Variants in CUL4B observed in about 807,000 individuals in gnomAD.
The protein encoded by CUL4B is cullin-4B.
In CUL4B, 1 loss-of-function variant was observed where a neutral mutation model predicts 69.2. That is an observed-to-expected ratio of 0.01 (90% CI 0.01 to 0.07). The LOEUF is 0.07. Ranked by LOEUF, CUL4B falls within the 10% of genes least tolerant of loss-of-function variation. The pLI is 1.00. For synonymous variants in CUL4B, 237 were observed against 223.2 expected, an observed-to-expected ratio of 1.06 and a Z score of -0.55; for missense variants, 328 against 638.8, an observed-to-expected ratio of 0.51 and a Z score of 5.24.
chrX:120,527,064 T>C (rs1423113914), intron 19 of CUL4B, among the ~76,000 whole-genome samples: 1 of 107,193 alleles, frequency 9.3e-6, no homozygotes, highest in Non-Finnish European at 1.9e-5. Context: ...TGAAGATTCT[T>C]TTTTTTTTTT....
At chrX:120,558,179 C>T (rs1925090612) in intron 1 of CUL4B, 140 bp from the exon 2 acceptor site, 1 of 448,698 alleles carries the variant, frequency 2.2e-6, no homozygotes, top group Non-Finnish European at 3.9e-6. Flanking sequence ...AAAGTAACCA[C>T]TGTATTTAAG....
At chrX:120,544,365 G>A in intron 6 of CUL4B, 116 bp downstream of exon 6, 2 of 866,020 alleles carry the variant, frequency 2.3e-6, no homozygotes, top group Non-Finnish European at 3.4e-6. Flanking sequence ...GCTCATATAT[G>A]AGATGTGCTT....
intron 12 of CUL4B, among the ~76,000 whole-genome samples, 175 bp from the exon 13 acceptor site, chrX:120,538,945 G>A (rs1008466619): frequency 8.9e-6 from 1 of 111,860 alleles, no homozygotes; most frequent in Non-Finnish European, 1.9e-5. Context: ...CAGACATTTC[G>A]AAGTCTTTAT....
chrX:120,560,750 A>G lies in CUL4B; in HGVS notation c.-112T>C, dbSNP rs761070624. On this transcript the variant is annotated 5_prime_UTR_variant, in exon 1 of 20. Coordinates refer to ENST00000371322, the MANE Select transcript of CUL4B (RefSeq NM_001079872.2). ...AGAGGGGGAAGGGAAGAAAGAAGAGAGGAGAAACACAGAGGACGAGAAGGA... is the reference window on the plus strand; with the variant it reads ...AGAGGGGGAAGGGAAGAAAGAAGAGGGGAGAAACACAGAGGACGAGAAGGA... 5 of 880,527 alleles carry G rather than the reference A, an allele frequency of 5.7e-6. No homozygotes were observed. Among genetic ancestry groups the G allele is most frequent in the Non-Finnish European group, 7.1e-6 (5 of 700,815 alleles). 72.6% of individuals were successfully genotyped at this position (880,527 alleles called of 1,213,427 possible).
Position 120,544,559 on chromosome X carries a change from C to G in CUL4B, c.1005G>C (p.Leu335Phe). ...CTTCACCATTCCTTTCCCTCTCAAT[C>G]AAGAGAAGAATGCCATCAATTGTCT... ...QNKTIDGILLLIERERNGEAI... is the reference protein window; with the variant it reads ...QNKTIDGILLFIERERNGEAI... Residue 335 changes from leucine (L) to phenylalanine (F), a missense_variant, in exon 6 of 20, where the codon TTG becomes TTC. Physicochemically the swap from Leu to Phe is conservative, Grantham distance 22 (BLOSUM62 0). Transcript: ENST00000371322. The G allele has an allele frequency of 8.3e-7, 1 of 1,209,506 alleles. No homozygotes were observed. The highest frequency in any genetic ancestry group is 1.1e-6 in the Non-Finnish European group (1 of 893,445).
rs1356172567 is a variant in CUL4B, at chrX:120,524,519, G to A, written c.*2242C>T. On this transcript the variant is annotated 3_prime_UTR_variant, in exon 20 of 20. Transcript: ENST00000371322. ...TTTAAAAATAACAAAATCAACAAAT[G>A]TGAGTTCATTAGAAGTTGTTAGGAA... is the stretch of plus-strand genomic sequence containing the variant. The A allele has an allele frequency of 1.8e-5, 2 of 111,949 alleles. No individual in the cohort carries two copies. Among genetic ancestry groups the A allele is most frequent in the Admixed American group, 9.5e-5 (1 of 10,489 alleles). The allele number at this position is 111,949 out of a possible 1,213,427, so 9.2% of individuals were successfully genotyped here.
chrX:120,563,338 A>T (rs1448216601), upstream of CUL4B, among the ~76,000 whole-genome samples: 4 of 111,898 alleles, frequency 3.6e-5, no homozygotes, highest in African/African-American at 1.3e-4. Context: ...GGTTCAAGCG[A>T]TTCTTGTGCG....
upstream of CUL4B, chrX:120,561,178 G>T: frequency 4.0e-6 from 3 of 750,953 alleles, no homozygotes. Context: ...CCCGGGGGGC[G>T]GGGGAGCTCG....
In CUL4B at chrX:120,537,979, A is replaced by AT. The variant is rs758737173; in HGVS notation, c.1938+144dup. On this transcript the variant is annotated intron_variant, in intron 14 of 19. Coordinates refer to ENST00000371322, the MANE Select transcript of CUL4B (RefSeq NM_001079872.2). ...GGTCAAATATACTTATATTTCACCA[A>AT]TTTTTTTTTCTACTGTGAATATCAC... 2.7e-3 allele frequency: 1,151 copies of AT among 420,117 alleles called. 2 individuals carry two copies. The highest frequency in any genetic ancestry group is 9.6e-3 in the African/African-American group (378 of 39,537). The allele number at this position is 420,117 out of a possible 1,213,427, so 34.6% of individuals were successfully genotyped here.
chrX:120,567,191 T>C (rs916221131), downstream of CUL4B, among the ~76,000 whole-genome samples: 10 of 105,021 alleles, frequency 9.5e-5, no homozygotes, highest in African/African-American at 3.2e-4. Flanking sequence ...TGGTGCAATG[T>C]TGGCTCACTG....
intron 19 of CUL4B, among the ~76,000 whole-genome samples, chrX:120,527,444 C>G (rs1272777750): frequency 9.1e-6 from 1 of 109,911 alleles, no homozygotes; most frequent in East Asian, 2.8e-4. Context: ...CAGGGTCTTG[C>G]TATGTCGCCC....
chrX:120,569,510 G>A (rs1159896188), downstream of CUL4B, among the ~76,000 whole-genome samples: 4 of 110,181 alleles, frequency 3.6e-5, no homozygotes, highest in African/African-American at 6.6e-5. Context: ...ACAGGCGCCC[G>A]CCACCACGCC....
At chrX:120,528,682 C>T (rs1009635915) in intron 19 of CUL4B, among the ~76,000 whole-genome samples, 4 of 111,204 alleles carry the variant, frequency 3.6e-5, no homozygotes, top group African/African-American at 1.3e-4. Flanking sequence ...GATCATGCCA[C>T]TGCACTCCAG....
At chrX:120,566,345 GTATATATATA>G (rs537274243), upstream of CUL4B, among the ~76,000 whole-genome samples, 1,930 of 40,843 alleles carry the variant, frequency 0.047, 100 homozygotes, top group East Asian at 0.18. Flanking sequence ...GTGTGTATAG[GTATATATATA>G]TATATATATA....
At chrX:120,568,208 T>C (rs1925612888), downstream of CUL4B, among the ~76,000 whole-genome samples, 1 of 110,415 alleles carries the variant, frequency 9.1e-6, no homozygotes, top group African/African-American at 3.3e-5. Flanking sequence ...TAGGGAGTGG[T>C]GAGAGGTGAG....
At chrX:120,543,940 A>G in intron 7 of CUL4B, 131 bp from the exon 8 acceptor site, 1 of 576,938 alleles carries the variant, frequency 1.7e-6, no homozygotes, top group South Asian at 2.6e-5. Context: ...ATTTATAGGT[A>G]GAGTTTATGA....
chrX:120,571,394 C>A (rs750694336), exon 3 of CUL4B: 1 of 111,379 alleles, frequency 9.0e-6, no homozygotes, highest in African/African-American at 3.3e-5. Context: ...GCAGAGATAA[C>A]AAATGACAAC....
At chrX:120,528,591 C>T (rs1452694235) in intron 19 of CUL4B, among the ~76,000 whole-genome samples, 2 of 108,515 alleles carry the variant, frequency 1.8e-5, no homozygotes, top group African/African-American at 6.7e-5. Flanking sequence ...CGTGATTGTG[C>T]GCACCTGTGG....
At chrX:120,561,449 G>T (rs766565813), upstream of CUL4B, 240 of 537,603 alleles carry the variant, frequency 4.5e-4, 1 homozygote, top group Non-Finnish European at 7.2e-4. Context: ...AGTGGGGGGG[G>T]GAAGGGGGGA....
Sources: gnomAD v4.1 joint callset for allele counts (sites outside exome capture counted in the v4.1 genomes callset) on GRCh38, gnomAD v4.1.1 for gene constraint, MANE v1.5 for transcripts, NCBI Gene and HGNC (gene_info 2026-07-23, HGNC 2026-07-21) for gene names.